LOC101059915: variants seen among roughly 807,000 people sequenced by gnomAD.
chrX:71,669,812 T>A, the LOC101059915 span: 608 of 811,336 alleles, frequency 7.5e-4, 6 homozygotes, highest in Non-Finnish European at 2.7e-4. Context: ...GCTCCCAGGC[T>A]TCCCTGCCCA....
chrX:71,669,741 T>C, the LOC101059915 span: 10 of 968,776 alleles, frequency 1.0e-5, no homozygotes, highest in Non-Finnish European at 1.2e-5. Flanking sequence ...TTGATAGGGG[T>C]GGAGGGGAGA....
chrX:71,668,426 C>T, the LOC101059915 span: 1 of 1,162,400 alleles, frequency 8.6e-7, no homozygotes, highest in Non-Finnish European at 1.1e-6. Context: ...ACTGACGACT[C>T]TGATTCCGCA....
the LOC101059915 span, chrX:71,670,402 A>G: frequency 1.7e-6 from 2 of 1,158,386 alleles, no homozygotes; most frequent in African/African-American, 3.6e-5. Flanking sequence ...TCCAGGTTAA[A>G]CTAATTTCGG....
At chrX:71,668,379 C>T in the LOC101059915 span, 1 of 1,147,817 alleles carries the variant, frequency 8.7e-7, no homozygotes, top group Non-Finnish European at 1.2e-6. Flanking sequence ...AAGTGGATCC[C>T]CAGCAGCCCT....
chrX:71,669,432 T>G, the LOC101059915 span: 1 of 582,392 alleles, frequency 1.7e-6, no homozygotes, highest in Non-Finnish European at 2.4e-6. Context: ...CCCTCCTGTC[T>G]TGGGGTGGAC....
chrX:71,670,550 C>T, the LOC101059915 span: 425 of 1,086,094 alleles, frequency 3.9e-4, no homozygotes, highest in Non-Finnish European at 4.4e-4. Flanking sequence ...ACAGGGAGAA[C>T]GGGGAGAAAG....
the LOC101059915 span, chrX:71,669,617 G>A: frequency 2.1e-6 from 2 of 968,013 alleles, no homozygotes; most frequent in Non-Finnish European, 2.6e-6. Context: ...GAATACAGCA[G>A]TGGTGATCCC....
chrX:71,669,672 C>A, the LOC101059915 span: 11 of 973,375 alleles, frequency 1.1e-5, no homozygotes, highest in Non-Finnish European at 1.4e-5. Context: ...AGCCCTCGGC[C>A]TTTACCTTGA....
the LOC101059915 span, chrX:71,668,788 C>T: frequency 5.8e-5 from 62 of 1,075,783 alleles, no homozygotes; most frequent in Non-Finnish European, 7.2e-5. Context: ...GAAGAAATCC[C>T]TAGAGGGTGC....
At chrX:71,671,319 C>T in the LOC101059915 span, 2 of 1,054,757 alleles carry the variant, frequency 1.9e-6, no homozygotes, top group Non-Finnish European at 1.3e-6. Context: ...CTCACCCTGG[C>T]TGGGGGCCCA....
At chrX:71,670,835 G>C in the LOC101059915 span, 2 of 754,350 alleles carry the variant, frequency 2.7e-6, no homozygotes, top group Non-Finnish European at 1.6e-6. Flanking sequence ...GGTGTGCACA[G>C]ACAGCAATGT....
the LOC101059915 span, chrX:71,668,862 T>C: frequency 9.1e-7 from 1 of 1,096,407 alleles, no homozygotes; most frequent in Non-Finnish European, 1.2e-6. Context: ...CAGTTCCACC[T>C]GATCCGGCTA....
chrX:71,668,495 A>T, the LOC101059915 span: 11 of 1,151,760 alleles, frequency 9.6e-6, no homozygotes, highest in Non-Finnish European at 1.0e-5. Context: ...GAAGGAAGCC[A>T]GGCCAAGCCC....
At chrX:71,667,775 C>T in the LOC101059915 span, 2 of 1,033,930 alleles carry the variant, frequency 1.9e-6, no homozygotes, top group Non-Finnish European at 1.2e-6. Flanking sequence ...TGTCTCCCCA[C>T]AGCCTGGCTG....
the LOC101059915 span, chrX:71,667,943 G>T: frequency 3.5e-6 from 4 of 1,151,914 alleles, no homozygotes; most frequent in East Asian, 3.3e-5. Context: ...GGGGGGCAGC[G>T]CAGTGGCAAG....
chrX:71,668,348 C>T, the LOC101059915 span: 10 of 1,139,912 alleles, frequency 8.8e-6, no homozygotes, highest in African/African-American at 3.6e-5. Context: ...GAAAGGGGCT[C>T]GAAGAGCAGA....
At chrX:71,668,228 G>A in the LOC101059915 span, 2 of 1,116,874 alleles carry the variant, frequency 1.8e-6, no homozygotes, top group Non-Finnish European at 2.3e-6. Context: ...CTGGAGGTCG[G>A]TCCCAGTTGG....
the LOC101059915 span, chrX:71,668,951 A>G: frequency 8.6e-7 from 1 of 1,159,462 alleles, no homozygotes; most frequent in Non-Finnish European, 1.1e-6. Flanking sequence ...AGCCCTGGGA[A>G]GAAACCTGCA....
the LOC101059915 span, chrX:71,670,792 G>C: frequency 1.9e-5 from 20 of 1,073,685 alleles, no homozygotes; most frequent in African/African-American, 3.8e-5. Context: ...AAGCAGGCCT[G>C]GCCCTGGAGC....
Sources: gnomAD v4.1 joint callset for allele counts on GRCh38, gnomAD v4.1.1 for gene constraint, MANE v1.5 for transcripts.